The following ADGRL3 variants were observed in gnomAD, a reference collection of about 807,000 sequenced individuals.
The protein encoded by ADGRL3 is adhesion G protein-coupled receptor L3, also known as calcium-independent alpha-latrotoxin receptor 3.
ADGRL3 carries 62 observed loss-of-function variants against 153.5 expected under a neutral mutation model. The ratio of observed to expected loss-of-function variants is 0.40; its 90% CI spans 0.33 to 0.50. ADGRL3 has a LOEUF of 0.50. Ranked by LOEUF, ADGRL3 falls within the 20% of genes least tolerant of loss-of-function variation. The pLI, the probability that ADGRL3 is intolerant of heterozygous loss-of-function variation, is 0.47. For missense variants in ADGRL3, 1,641 were observed against 1,859.4 expected, an observed-to-expected ratio of 0.88 and a Z score of 2.16; for synonymous variants, 710 against 672.5, an observed-to-expected ratio of 1.06 and a Z score of -0.86.
Position 62,031,584 on chromosome 4 carries a change from A to G in ADGRL3, c.3565A>G (p.Ile1189Val), listed in dbSNP as rs752660893. The stretch of plus-strand genomic sequence containing the variant: ...TTCTCTACAGGGAATGTTTATATTT[A>G]TTTTCCATTGTGTCCTACAGAAGAA... ...FNSLQGMFIF[I>V]FHCVLQKKVR... is the part of the protein sequence containing the mutation. The change falls in exon 23 of 27, where the codon ATT becomes GTT. Residue 1189 changes from isoleucine (I) to valine (V), a missense_variant. Around this residue, in one of 5 missense-constraint regions of ADGRL3, gnomAD observed 517 missense variants for 555.0 expected, o/e 0.93. Transcript: ENST00000683033. The G allele has an allele frequency of 6.2e-7, 1 of 1,608,666 alleles. No homozygotes were observed. The highest frequency in any genetic ancestry group is 8.5e-7 in the Non-Finnish European group (1 of 1,176,406).
At chr4:61,372,459 T>TCCAA (rs1430711427) in intron 1 of ADGRL3, among the ~76,000 whole-genome samples, 1 of 152,164 alleles carries the variant, frequency 6.6e-6, no homozygotes, top group African/African-American at 2.4e-5. Flanking sequence ...GACAGGACCC[T>TCCAA]CAGCTGCAGG....
chr4:61,704,783 T>C (rs1481730241), intron 6 of ADGRL3, among the ~76,000 whole-genome samples: 1 of 152,202 alleles, frequency 6.6e-6, no homozygotes, highest in Non-Finnish European at 1.5e-5. Flanking sequence ...TTTATTGTCA[T>C]TTCAACAATG....
rs374808468 is a variant in ADGRL3 at position 61,621,702 on chromosome 4, A to G, written c.473+34262A>G. Among the ~76,000 whole-genome samples the G allele has an allele frequency of 2.4e-4, 36 of 152,250 alleles. 1 individual carries two copies. In the East Asian group the frequency reaches 6.6e-3, roughly 28 times the overall value. On this transcript the variant is annotated intron_variant, in intron 5 of 26. Transcript: ENST00000683033. ...GCTTATTTAGTTCTTCTAAACAGCT[A>G]ATTTTCCTTTTACTTGTGGTCGTCA...
At chr4:61,567,458 A>G (rs2098820961) in intron 4 of ADGRL3, among the ~76,000 whole-genome samples, 1 of 152,178 alleles carries the variant, frequency 6.6e-6, no homozygotes, top group Admixed American at 6.5e-5. Context: ...TCCTTATAAA[A>G]AAGGCCTCAG....
intron 12 of ADGRL3, among the ~76,000 whole-genome samples, chr4:61,912,417 G>A (rs116807457): frequency 0.025 from 3,857 of 152,118 alleles, 45 homozygotes; most frequent in Non-Finnish European, 0.032. Context: ...CATTTCAAAC[G>A]AATGAAGTAT....
intron 1 of ADGRL3, among the ~76,000 whole-genome samples, chr4:61,376,699 G>A (rs2096607176): frequency 6.6e-6 from 1 of 152,110 alleles, no homozygotes; most frequent in Admixed American, 6.6e-5. Context: ...TTCATAAGAA[G>A]CTTCTTATTT....
At chr4:61,964,447 A>T (rs900287403) in intron 17 of ADGRL3, among the ~76,000 whole-genome samples, 5 of 152,152 alleles carry the variant, frequency 3.3e-5, no homozygotes, top group South Asian at 4.1e-4. Context: ...AATCAGGTAA[A>T]CTTTTCCTGA....
At chr4:61,475,657 A>G in intron 2 of ADGRL3, among the ~76,000 whole-genome samples, 1 of 152,112 alleles carries the variant, frequency 6.6e-6, no homozygotes, top group Non-Finnish European at 1.5e-5. Flanking sequence ...ACTTGCCAAG[A>G]TCTTGTGCTA....
chr4:61,273,263 C>A (rs992309637), intron 1 of ADGRL3, among the ~76,000 whole-genome samples: 2 of 152,108 alleles, frequency 1.3e-5, no homozygotes, highest in Non-Finnish European at 2.9e-5. Context: ...ACTGTCATCA[C>A]GCTGGAGCTC....
chr4:61,878,227 T>G (rs552533913), intron 9 of ADGRL3, among the ~76,000 whole-genome samples: 1 of 152,292 alleles, frequency 6.6e-6, no homozygotes, highest in Non-Finnish European at 1.5e-5. Context: ...TGTGACCTCA[T>G]TTTACCTTAG....
At chr4:61,743,398 C>T (rs6551649) in intron 8 of ADGRL3, among the ~76,000 whole-genome samples, 66,995 of 149,984 alleles carry the variant, frequency 0.45, 15,252 homozygotes, top group East Asian at 0.64. Context: ...GTGAAGAGTT[C>T]GGTATTTGTT....
At chr4:61,409,371 A>ATATT (rs112488684) in intron 2 of ADGRL3, among the ~76,000 whole-genome samples, 6 of 141,876 alleles carry the variant, frequency 4.2e-5, no homozygotes, top group Non-Finnish European at 6.1e-5. Flanking sequence ...TTATATATAT[A>ATATT]AGACATATAT....
chr4:61,409,267 A>G (rs1199189839), intron 2 of ADGRL3, among the ~76,000 whole-genome samples: 1 of 143,580 alleles, frequency 7.0e-6, no homozygotes, highest in African/African-American at 2.5e-5. Context: ...TATATATTAG[A>G]CATACATAAT....
rs960872536 is a variant in ADGRL3 at position 61,230,977 on chromosome 4, G to A, written c.-240+29212G>A. 2.6e-5 allele frequency among the ~76,000 whole-genome samples: 4 copies of A among 152,124 alleles called. No individual in the cohort carries two copies. The East Asian group carries it at 5.8e-4, about 22-fold the overall frequency. On this transcript the variant is annotated intron_variant, in intron 1 of 26. Coordinates refer to ENST00000683033, the MANE Select transcript of ADGRL3 (RefSeq NM_001387552.1). ...CCCGTGCAAGCATCTAGTCCAAGCA[G>A]GACTTACTATGCTTATTTAAAAATT...
intron 9 of ADGRL3, among the ~76,000 whole-genome samples, chr4:61,869,019 T>C (rs577928610): frequency 6.6e-6 from 1 of 152,280 alleles, no homozygotes; most frequent in East Asian, 1.9e-4. Context: ...GGCAGCTCAC[T>C]GCAGCCTCGA....
At chr4:61,465,758 A>AACATATATATATAT (rs2097872061) in intron 2 of ADGRL3, among the ~76,000 whole-genome samples, 1 of 130,178 alleles carries the variant, frequency 7.7e-6, no homozygotes, top group South Asian at 2.5e-4. Context: ...ATTATATATA[A>AACATATATATATAT]ATATATATAT....
rs553348860 is a variant in ADGRL3, at chr4:61,397,696, C to A, written c.-174+14507C>A. ...TACCTCTACCAGGAAGATTTGAGAA[C>A]ACATAGTATTAGCTAATTTCCTATA... On this transcript the variant is annotated intron_variant, in intron 2 of 26. Coordinates refer to ENST00000683033, the MANE Select transcript of ADGRL3 (RefSeq NM_001387552.1). Among the ~76,000 whole-genome samples, 7 of 151,840 alleles carry A rather than the reference C, an allele frequency of 4.6e-5. No homozygotes were observed. In the South Asian group the frequency reaches 1.5e-3, roughly 32 times the overall value.
At chr4:61,265,530 T>C (rs1165071196) in intron 1 of ADGRL3, among the ~76,000 whole-genome samples, 1 of 151,890 alleles carries the variant, frequency 6.6e-6, no homozygotes, top group Non-Finnish European at 1.5e-5. Context: ...GAATACCTTA[T>C]ATTCTAAGCA....
chr4:61,373,117 C>A (rs906307561), intron 1 of ADGRL3, among the ~76,000 whole-genome samples: 16 of 152,134 alleles, frequency 1.1e-4, no homozygotes, highest in African/African-American at 3.9e-4. Context: ...CACTGACCTG[C>A]GCCCACTGTC....
Sources: gnomAD v4.1 joint callset for allele counts (sites outside exome capture counted in the v4.1 genomes callset) on GRCh38, gnomAD v4.1.1 for gene constraint, gnomAD v4.1.1 regional missense constraint, MANE v1.5 for transcripts, NCBI Gene and HGNC (gene_info 2026-07-23, HGNC 2026-07-21) for gene names.